The following NLRC5 variants were observed in gnomAD, a reference collection of about 807,000 sequenced individuals.
NLRC5 encodes protein NLRC5.
Under a neutral mutation model 206.9 loss-of-function variants are expected in NLRC5, and 114 were observed. The ratio of observed to expected loss-of-function variants is 0.55; its 90% CI spans 0.47 to 0.64. The LOEUF is 0.64. Ranked by LOEUF, NLRC5 falls within the 30% of genes least tolerant of loss-of-function variation. NLRC5 has a pLI of 0.00. For synonymous variants in NLRC5, 952 were observed against 962.8 expected (o/e 0.99, Z 0.21); for missense variants, 2,008 against 2,305.5 (o/e 0.87, Z 2.64).
rs1179214939 is a variant in NLRC5 at position 57,059,407 on chromosome 16, A to G, written c.3921-60A>G. Reference sequence around the variant, plus strand: ...CCTCTCTGTGCCCTGTGGGTGCCCTAGGTGCCTAGGAAGCTGGCATGTCTG... The same window carrying G: ...CCTCTCTGTGCCCTGTGGGTGCCCTGGGTGCCTAGGAAGCTGGCATGTCTG... On this transcript the variant is annotated intron_variant, in intron 29 of 48. Coordinates refer to ENST00000688547, the MANE Select transcript of NLRC5 (RefSeq NM_001384950.1). 72 of 1,558,574 alleles carry G rather than the reference A, an allele frequency of 4.6e-5. 1 individual carries two copies. In the East Asian group the frequency reaches 1.7e-3, roughly 37 times the overall value.
Position 57,081,094 on chromosome 16 carries a change from G to T in NLRC5, c.5322-4G>T, listed in dbSNP as rs1207086707. On this transcript the variant is annotated splice_region_variant and splice_polypyrimidine_tract_variant and intron_variant, in intron 46 of 48. Coordinates refer to ENST00000688547, the MANE Select transcript of NLRC5 (RefSeq NM_001384950.1). ...CCGCTGACTTTGGGACCCCTACCCT[G>T]CAGGCTGTCCTGGAATCTCCTCGGG... 6.5e-7 allele frequency: 1 copy of T among 1,548,624 alleles called. No individual in the cohort carries two copies. Among genetic ancestry groups the T allele is most frequent in the South Asian group, 1.2e-5 (1 of 84,204 alleles).
intron 23 of NLRC5, among the ~76,000 whole-genome samples, chr16:57,050,014 C>A (rs527970654): frequency 4.0e-4 from 61 of 152,088 alleles, no homozygotes; most frequent in African/African-American, 1.4e-3. Flanking sequence ...TCCATCCCCC[C>A]TCCCTGAATT....
At chr16:57,066,661 AG>A in intron 34 of NLRC5, 47 bp downstream of exon 34, 1 of 1,522,982 alleles carries the variant, frequency 6.6e-7, no homozygotes, top group Non-Finnish European at 9.1e-7. Context: ...GGTGTTGGGG[AG>A]GGGGCAGGGC....
intron 23 of NLRC5, among the ~76,000 whole-genome samples, chr16:57,049,476 G>A (rs879061886): frequency 3.3e-5 from 5 of 151,840 alleles, no homozygotes; most frequent in African/African-American, 9.7e-5. Flanking sequence ...GGTGACTCAC[G>A]CCTATAATCC....
chr16:57,028,054 C>T lies in NLRC5; in HGVS notation c.2076-18C>T, dbSNP rs762592969. 2.1e-5 allele frequency: 34 copies of T among 1,600,892 alleles called. No homozygotes were observed. The highest frequency in any genetic ancestry group is 4.0e-5 in the African/African-American group (3 of 74,686). On this transcript the variant is annotated intron_variant, in intron 6 of 48. Transcript: ENST00000688547. ...GCCCAGCACTGATCCTCTGACACTT[C>T]GCTTCTTCTTATGGCAGCTTTAAGA...
chr16:57,051,030 G>A (rs961537220), intron 23 of NLRC5, among the ~76,000 whole-genome samples: 4 of 150,696 alleles, frequency 2.7e-5, no homozygotes, highest in Non-Finnish European at 5.9e-5. Flanking sequence ...TTTTTTTTTC[G>A]TTTTTTGTAG....
chr16:57,011,509 G>A (rs531934081), intron 1 of NLRC5, among the ~76,000 whole-genome samples: 2 of 152,184 alleles, frequency 1.3e-5, no homozygotes, highest in African/African-American at 4.8e-5. Flanking sequence ...AATCACTTGA[G>A]TCCAGTAGTT....
rs766921516 is a variant in NLRC5, at chr16:57,045,466, C to T, written c.3222C>T (p.Ile1074=). Residue 1074 remains isoleucine (I), a synonymous_variant, in exon 21 of 49, where the codon ATC becomes ATT. Transcript: ENST00000688547. ...CTTCCAGCTTTGAAAGCCAACACAT[C>T]CTCCTGAGAGGGGACAAGACAAGCA... ...RLDISFESQH[I]LLRGDKTSRD... 2 of 1,614,024 alleles carry T rather than the reference C, an allele frequency of 1.2e-6. No individual in the cohort carries two copies. Among genetic ancestry groups the T allele is most frequent in the African/African-American group, 1.3e-5 (1 of 74,944 alleles).
chr16:57,003,560 C>G (rs966520852), intron 1 of NLRC5, among the ~76,000 whole-genome samples: 1 of 152,130 alleles, frequency 6.6e-6, no homozygotes, highest in African/African-American at 2.4e-5. Flanking sequence ...TGGGCATTGC[C>G]TTGCTCAGAG....
chr16:57,033,046 G>T (rs2062064166), intron 11 of NLRC5, among the ~76,000 whole-genome samples: 1 of 151,926 alleles, frequency 6.6e-6, no homozygotes, highest in Non-Finnish European at 1.5e-5. Context: ...GTGAAACCTG[G>T]CTCATGATGT....
chr16:57,005,349 A>G (rs964231142), intron 1 of NLRC5, among the ~76,000 whole-genome samples: 29 of 152,144 alleles, frequency 1.9e-4, no homozygotes, highest in African/African-American at 6.8e-4. Context: ...TTTGATGGCT[A>G]CCTCAAATCA....
At chr16:57,029,897 C>T in intron 9 of NLRC5, 41 bp downstream of exon 9, 1 of 1,609,208 alleles carries the variant, frequency 6.2e-7, no homozygotes, top group African/African-American at 1.3e-5. Flanking sequence ...CAGTCCCTCT[C>T]TATACCTGAT....
intron 41 of NLRC5, 47 bp from the exon 42 acceptor site, chr16:57,077,671 CG>C: frequency 6.6e-7 from 1 of 1,516,104 alleles, no homozygotes; most frequent in Non-Finnish European, 8.9e-7. Context: ...GCTGGGGTGT[CG>C]GGGAGAGGGG....
At chr16:57,034,847 G>A (rs965045062) in intron 13 of NLRC5, 2 of 152,274 alleles carry the variant, frequency 1.3e-5, no homozygotes, top group Non-Finnish European at 2.9e-5. Context: ...GCTCTGTCAC[G>A]ACCCTAGGAG....
At position 57,041,327 on chromosome 16, in the gene NLRC5, G is replaced by T; in HGVS notation, c.2940-158G>T. On this transcript the variant is annotated intron_variant, in intron 17 of 48. Transcript: ENST00000688547. ...ACATCCTGTGGGTGTCGTGTGTGTTGGTCCCTCTTTGTCCGTCTGTCTAGG... is the reference window on the plus strand; with the variant it reads ...ACATCCTGTGGGTGTCGTGTGTGTTTGTCCCTCTTTGTCCGTCTGTCTAGG... The T allele has an allele frequency of 3.3e-6, 2 of 604,978 alleles. 1 individual carries two copies. Among genetic ancestry groups the T allele is most frequent in the South Asian group, 4.0e-5 (2 of 50,538 alleles). 37.5% of individuals were successfully genotyped at this position (604,978 alleles called of 1,614,324 possible). A position where few individuals can be genotyped will look rare whatever the true frequency, so the allele number is the denominator to read the frequency against.
At chr16:57,010,783 A>AT (rs1255723616) in intron 1 of NLRC5, among the ~76,000 whole-genome samples, 4 of 151,964 alleles carry the variant, frequency 2.6e-5, no homozygotes, top group African/African-American at 4.8e-5. Flanking sequence ...GGGAAGTTTC[A>AT]TTTTTTTGTG....
chr16:57,041,878 G>A (rs1391870539), intron 18 of NLRC5, 104 bp from the exon 19 acceptor site: 2 of 769,380 alleles, frequency 2.6e-6, no homozygotes, highest in Non-Finnish European at 4.2e-6. Flanking sequence ...GCCCAGGGCT[G>A]TGTCCAGTTT....
At chr16:57,067,504 G>C in intron 35 of NLRC5, 34 bp downstream of exon 35, 1 of 1,599,466 alleles carries the variant, frequency 6.3e-7, no homozygotes, top group Non-Finnish European at 8.6e-7. Context: ...GGGGCCCTGA[G>C]TTCTCTGGTT....
rs539082066 is a variant in NLRC5, at chr16:57,043,769, T to G, written c.3203+165T>G. ...ATGTGATGGGCGTCCACTGAATGAA[T>G]GAATGATCAAATGAATGAATAAGTA... On this transcript the variant is annotated intron_variant, in intron 20 of 48. Coordinates refer to ENST00000688547, the MANE Select transcript of NLRC5 (RefSeq NM_001384950.1). 6.2e-6 allele frequency: 4 copies of G among 647,062 alleles called. No individual in the cohort carries two copies. In the South Asian group the frequency reaches 6.9e-5, roughly 11 times the overall value. The allele number at this position is 647,062 out of a possible 1,614,324, so 40.1% of individuals were successfully genotyped here. A position where few individuals can be genotyped will look rare whatever the true frequency, so the allele number is the denominator to read the frequency against.
Sources: allele counts gnomAD v4.1 joint callset (sites outside exome capture counted in the v4.1 genomes callset), GRCh38; gene constraint gnomAD v4.1.1; transcripts MANE v1.5; gene names NCBI Gene and HGNC (gene_info 2026-07-23, HGNC 2026-07-21).